LRRTM3: variants seen among roughly 807,000 people sequenced by gnomAD.
LRRTM3 encodes the protein leucine rich repeat transmembrane neuronal 3.
A neutral mutation model predicts 44.7 loss-of-function variants in LRRTM3; 24 were observed. That is an observed-to-expected ratio of 0.54 (90% CI 0.39 to 0.76). LRRTM3 has a LOEUF of 0.76. Ranked by LOEUF, LRRTM3 falls within the 30% of genes least tolerant of loss-of-function variation. The pLI is 0.00. For synonymous variants in LRRTM3, 277 were observed against 278.7 expected (o/e 0.99, Z 0.06); for missense variants, 587 against 702.2 (o/e 0.84, Z 1.85).
intron 2 of LRRTM3, among the ~76,000 whole-genome samples, chr10:66,993,445 G>T (rs1851150579): frequency 6.6e-6 from 1 of 152,114 alleles, no homozygotes; most frequent in African/African-American, 2.4e-5. Flanking sequence ...AAGGAAAATA[G>T]TGTTGTGATC....
chr10:66,979,997 G>C (rs1850316706), intron 2 of LRRTM3, among the ~76,000 whole-genome samples: 1 of 152,180 alleles, frequency 6.6e-6, no homozygotes, highest in African/African-American at 2.4e-5. Flanking sequence ...CAAAAGAAGA[G>C]GAAGGAAAAC....
chr10:66,996,043 C>A (rs180844374), intron 2 of LRRTM3, among the ~76,000 whole-genome samples: 15 of 151,930 alleles, frequency 9.9e-5, no homozygotes, highest in African/African-American at 2.9e-4. Flanking sequence ...TTTATTTTAC[C>A]TACTTATTTA....
At chr10:67,027,426 T>C (rs1293487284) in intron 2 of LRRTM3, among the ~76,000 whole-genome samples, 2 of 149,554 alleles carry the variant, frequency 1.3e-5, no homozygotes, top group Non-Finnish European at 3.0e-5. Context: ...GCCTTTTTTT[T>C]CTTTCATGAC....
At chr10:67,091,713 G>A (rs1857652146) in intron 2 of LRRTM3, among the ~76,000 whole-genome samples, 1 of 152,014 alleles carries the variant, frequency 6.6e-6, no homozygotes, top group Non-Finnish European at 1.5e-5. Flanking sequence ...GTGTGTGCCT[G>A]TCATTGATGT....
At chr10:66,984,841 A>G (rs1850637388) in intron 2 of LRRTM3, among the ~76,000 whole-genome samples, 1 of 152,182 alleles carries the variant, frequency 6.6e-6, no homozygotes, top group South Asian at 2.1e-4. Flanking sequence ...AGGTAAAGAC[A>G]TGCCCCACAA....
chr10:67,017,572 T>C (rs1016243809), intron 2 of LRRTM3, among the ~76,000 whole-genome samples: 6 of 152,174 alleles, frequency 3.9e-5, no homozygotes, highest in Non-Finnish European at 7.4e-5. Flanking sequence ...TGATTCACCC[T>C]CTTGCAGTAA....
At chr10:66,928,773 T>A (rs548989921) in intron 2 of LRRTM3, among the ~76,000 whole-genome samples, 1 of 152,208 alleles carries the variant, frequency 6.6e-6, no homozygotes, top group African/African-American at 2.4e-5. Flanking sequence ...ACTTCTTTCA[T>A]AAGTAATCCC....
chr10:67,036,098 T>C (rs1412206692), intron 2 of LRRTM3, among the ~76,000 whole-genome samples: 1 of 152,172 alleles, frequency 6.6e-6, no homozygotes, highest in Non-Finnish European at 1.5e-5. Flanking sequence ...TATTAGACCT[T>C]AGTAGAGATA....
chr10:66,976,443 C>T (rs1034397574), intron 2 of LRRTM3, among the ~76,000 whole-genome samples: 14 of 152,144 alleles, frequency 9.2e-5, no homozygotes, highest in African/African-American at 3.1e-4. Flanking sequence ...ACCACCACTT[C>T]TATTCTTGCC....
At chr10:66,991,023 G>A (rs1344686940) in intron 2 of LRRTM3, among the ~76,000 whole-genome samples, 2 of 152,120 alleles carry the variant, frequency 1.3e-5, no homozygotes, top group African/African-American at 4.8e-5. Context: ...GCTAATGATG[G>A]AAATGTATTT....
intron 2 of LRRTM3, chr10:67,054,675 G>A (rs1206329342): frequency 6.6e-6 from 1 of 152,106 alleles, no homozygotes; most frequent in Non-Finnish European, 1.5e-5. Context: ...CAAAGTGGGA[G>A]AGGCACTAAG....
At chr10:66,958,070 G>A (rs1848915823) in intron 2 of LRRTM3, among the ~76,000 whole-genome samples, 1 of 151,974 alleles carries the variant, frequency 6.6e-6, no homozygotes, top group African/African-American at 2.4e-5. Flanking sequence ...ATGCAATTTT[G>A]ATCATTCATC....
chr10:66,959,776 C>G (rs1849017216), intron 2 of LRRTM3, among the ~76,000 whole-genome samples: 1 of 152,144 alleles, frequency 6.6e-6, no homozygotes. Flanking sequence ...TTAATTTTCT[C>G]TCTATCCGAC....
intron 2 of LRRTM3, among the ~76,000 whole-genome samples, chr10:66,996,649 C>CAAAAAAAAAAAAAAAAAAAAAA (rs57025097): frequency 5.9e-5 from 4 of 67,636 alleles, no homozygotes; most frequent in African/African-American, 2.4e-4. Context: ...TCCGTCTCTA[C>CAAAAAAAAAAAAAAAAAAAAAA]AAAAAAAAAA....
chr10:67,084,218 G>T (rs1445582755), intron 2 of LRRTM3, among the ~76,000 whole-genome samples: 1 of 152,018 alleles, frequency 6.6e-6, no homozygotes, highest in African/African-American at 2.4e-5. Flanking sequence ...ATCCTCATAT[G>T]TATTGTTCCT....
At chr10:67,085,526 A>G (rs1794105476) in intron 2 of LRRTM3, among the ~76,000 whole-genome samples, 1 of 151,992 alleles carries the variant, frequency 6.6e-6, no homozygotes, top group African/African-American at 2.4e-5. Context: ...GTGTGCTCAT[A>G]AAATTTAGAA....
chr10:67,097,056 G>A (rs977094913), intron 2 of LRRTM3, among the ~76,000 whole-genome samples: 10 of 151,800 alleles, frequency 6.6e-5, no homozygotes, highest in Non-Finnish European at 1.3e-4. Flanking sequence ...CATCATATAG[G>A]AACTTGTAAG....
chr10:66,997,645 A>G (rs1305294187), intron 2 of LRRTM3, among the ~76,000 whole-genome samples: 1 of 152,168 alleles, frequency 6.6e-6, no homozygotes, highest in African/African-American at 2.4e-5. Flanking sequence ...TTAGGACACC[A>G]TCTCTCTGTT....
At chr10:66,950,802 C>G (rs1292305980) in intron 2 of LRRTM3, among the ~76,000 whole-genome samples, 1 of 152,150 alleles carries the variant, frequency 6.6e-6, no homozygotes, top group African/African-American at 2.4e-5. Flanking sequence ...AAGGGCCACA[C>G]TGTGTGAGGG....
Sources: allele counts gnomAD v4.1 joint callset (sites outside exome capture counted in the v4.1 genomes callset), GRCh38; gene constraint gnomAD v4.1.1; transcripts MANE v1.5; gene names NCBI Gene and HGNC (gene_info 2026-07-23, HGNC 2026-07-21).